CRACD: variants seen among roughly 807,000 people sequenced by gnomAD.
The protein encoded by CRACD is capping protein inhibiting regulator of actin dynamics, also known as capping protein-inhibiting regulator of actin dynamics.
CRACD carries 56 observed loss-of-function variants against 106.8 expected under a neutral mutation model. The observed-to-expected ratio is 0.52, with a 90% CI of 0.42 to 0.66. The LOEUF (loss-of-function observed/expected upper bound fraction) is 0.66, where lower values mean the gene tolerates loss of function less well. Ranked by LOEUF, CRACD falls within the 30% of genes least tolerant of loss-of-function variation. The pLI is 0.00. For missense variants in CRACD, 1,730 were observed against 1,623.2 expected, an observed-to-expected ratio of 1.07 and a Z score of -1.13; for synonymous variants, 754 against 670.8, an observed-to-expected ratio of 1.12 and a Z score of -1.92.
At chr4:56,068,766 T>C (rs1166341103) in intron 1 of CRACD, among the ~76,000 whole-genome samples, 2 of 152,038 alleles carry the variant, frequency 1.3e-5, no homozygotes. Flanking sequence ...GGGGATGGAT[T>C]TTGTGCATAA....
At chr4:56,094,341 T>C (rs1459680629) in intron 1 of CRACD, among the ~76,000 whole-genome samples, 2 of 152,154 alleles carry the variant, frequency 1.3e-5, no homozygotes, top group Non-Finnish European at 2.9e-5. Context: ...GTTGGAATTA[T>C]ATGCACAGGA....
intron 2 of CRACD, among the ~76,000 whole-genome samples, chr4:56,210,195 A>C (rs1738327869): frequency 6.6e-6 from 1 of 152,252 alleles, no homozygotes; most frequent in Non-Finnish European, 1.5e-5. Flanking sequence ...TATGTTTAAC[A>C]GATAATTTTG....
chr4:56,307,226 C>T (rs1400223204), intron 4 of CRACD, among the ~76,000 whole-genome samples: 1 of 151,904 alleles, frequency 6.6e-6, no homozygotes, highest in Non-Finnish European at 1.5e-5. Context: ...ACATATATCC[C>T]AACTTTTGGT....
intron 2 of CRACD, among the ~76,000 whole-genome samples, chr4:56,241,591 G>A (rs934379743): frequency 1.3e-5 from 2 of 152,342 alleles, no homozygotes; most frequent in Non-Finnish European, 2.9e-5. Context: ...TGCTAGGAAT[G>A]TAAAGATAAG....
chr4:56,205,234 G>A (rs1024476403), intron 2 of CRACD, among the ~76,000 whole-genome samples: 18 of 151,980 alleles, frequency 1.2e-4, no homozygotes, highest in African/African-American at 3.6e-4. Context: ...TAAGTAATGC[G>A]TACACCCAGA....
intron 2 of CRACD, among the ~76,000 whole-genome samples, chr4:56,268,173 T>C (rs1742139198): frequency 1.3e-5 from 2 of 152,236 alleles, no homozygotes; most frequent in South Asian, 4.1e-4. Context: ...AGTAACCTGT[T>C]TAGAAAACTA....
At chr4:56,172,763 A>G (rs946851579) in intron 1 of CRACD, among the ~76,000 whole-genome samples, 7 of 152,264 alleles carry the variant, frequency 4.6e-5, no homozygotes, top group Admixed American at 3.9e-4. Flanking sequence ...AGCTGGGACT[A>G]CAGTTGCGTG....
intron 4 of CRACD, among the ~76,000 whole-genome samples, chr4:56,298,572 C>T (rs1744186660): frequency 6.6e-6 from 1 of 152,150 alleles, no homozygotes; most frequent in Non-Finnish European, 1.5e-5. Flanking sequence ...ATGACACACC[C>T]TCTCCTTTTC....
At chr4:56,316,824 C>G (rs77070058) in intron 8 of CRACD, 135 bp downstream of exon 8, 84,402 of 1,099,846 alleles carry the variant, frequency 0.077, 4,076 homozygotes, top group East Asian at 0.23. Context: ...TTTATTAGAA[C>G]GCTGCAGAAC....
At chr4:56,249,041 G>A (rs1262868862) in intron 2 of CRACD, among the ~76,000 whole-genome samples, 23 of 84,640 alleles carry the variant, frequency 2.7e-4, no homozygotes, top group South Asian at 1.4e-3. Flanking sequence ...ACATACATGT[G>A]CATGTGTCTT....
intron 2 of CRACD, among the ~76,000 whole-genome samples, chr4:56,242,382 A>C (rs972103662): frequency 6.6e-6 from 1 of 152,328 alleles, no homozygotes; most frequent in East Asian, 1.9e-4. Flanking sequence ...AAATGTTTCC[A>C]GTTTCACGAT....
intron 1 of CRACD, among the ~76,000 whole-genome samples, chr4:56,056,931 ACAT>A (rs1732093626): frequency 6.6e-6 from 1 of 152,194 alleles, no homozygotes; most frequent in Non-Finnish European, 1.5e-5. Context: ...TAAAAAACCA[ACAT>A]ACTGGATTTG....
chr4:56,064,750 G>A (rs960420170), intron 1 of CRACD, among the ~76,000 whole-genome samples: 1 of 151,792 alleles, frequency 6.6e-6, no homozygotes, highest in African/African-American at 2.4e-5. Flanking sequence ...GTGTAGCTTC[G>A]AGTCTCTACC....
chr4:56,199,511 A>C (rs1054948603), intron 2 of CRACD, among the ~76,000 whole-genome samples: 1 of 151,858 alleles, frequency 6.6e-6, no homozygotes, highest in Non-Finnish European at 1.5e-5. Flanking sequence ...GTGAAACCCC[A>C]TCTCTACTAA....
intron 1 of CRACD, among the ~76,000 whole-genome samples, chr4:56,140,633 T>A (rs1735162370): frequency 6.6e-6 from 1 of 152,198 alleles, no homozygotes; most frequent in Non-Finnish European, 1.5e-5. Flanking sequence ...TGGAAACGTG[T>A]ATTCATAGTC....
intron 2 of CRACD, among the ~76,000 whole-genome samples, chr4:56,205,467 C>G (rs1489526133): frequency 4.0e-5 from 6 of 151,840 alleles, no homozygotes; most frequent in Admixed American, 3.9e-4. Flanking sequence ...AATGGAATAC[C>G]AAGCGTGCCC....
intron 1 of CRACD, among the ~76,000 whole-genome samples, chr4:56,062,175 G>A (rs895288985): frequency 1.3e-5 from 2 of 152,198 alleles, no homozygotes; most frequent in Non-Finnish European, 2.9e-5. Flanking sequence ...GTTGTTCAAT[G>A]TATCAAATAG....
intron 2 of CRACD, among the ~76,000 whole-genome samples, chr4:56,265,592 T>C (rs1168781954): frequency 2.6e-5 from 4 of 152,182 alleles, no homozygotes; most frequent in African/African-American, 9.7e-5. Flanking sequence ...AGGCTGAAAT[T>C]CCAAACAAGT....
chr4:56,315,747 C>T lies in CRACD; in HGVS notation c.2245C>T (p.Pro749Ser), dbSNP rs775023373. 5 of 1,614,114 alleles carry T rather than the reference C, an allele frequency of 3.1e-6. No individual in the cohort carries two copies. In the African/African-American group the frequency reaches 5.3e-5, roughly 17 times the overall value. ...GGAAGCTGAAAGCATACGAAAAAGACCCATGCTGGGACCCAGCGAAGAGAC... is the reference window on the plus strand; with the variant it reads ...GGAAGCTGAAAGCATACGAAAAAGATCCATGCTGGGACCCAGCGAAGAGAC... ...STEAESIRKR[P>S]MLGPSEETAP... is the part of the protein sequence containing the mutation. Residue 749 changes from proline to serine, a missense_variant, in exon 8 of 11, where the codon CCC becomes TCC. Transcript: ENST00000682029. The surrounding 1 kb of genome is among the most constrained non-coding windows in gnomAD (Gnocchi z 4.1).
Sources: gnomAD v4.1 joint callset for allele counts (sites outside exome capture counted in the v4.1 genomes callset) on GRCh38, gnomAD v4.1.1 for gene constraint, Gnocchi (gnomAD v3.1) non-coding constraint, MANE v1.5 for transcripts, NCBI Gene and HGNC (gene_info 2026-07-23, HGNC 2026-07-21) for gene names.